AGO2: variants seen among roughly 807,000 people sequenced by gnomAD.
The protein encoded by AGO2 is protein argonaute-2.
Under a neutral mutation model 102.3 loss-of-function variants are expected in AGO2, and 5 were observed. The ratio of observed to expected loss-of-function variants is 0.05; its 90% CI spans 0.03 to 0.10. The LOEUF (loss-of-function observed/expected upper bound fraction) is 0.10. AGO2 is among the 10% of genes least tolerant of loss of function. The pLI is 1.00. For missense variants in AGO2, 541 were observed against 1,183.7 expected (o/e 0.46, Z 7.97); for synonymous variants, 449 against 473.1 (o/e 0.95, Z 0.66).
intron 10 of AGO2, among the ~76,000 whole-genome samples, chr8:140,552,734 G>A (rs942183833): frequency 2.2e-4 from 29 of 133,798 alleles, no homozygotes; most frequent in East Asian, 4.3e-4. Flanking sequence ...ATGCACGCGC[G>A]CGCGCGCACA....
At chr8:140,594,524 A>C (rs1405512596) in intron 1 of AGO2, among the ~76,000 whole-genome samples, 1 of 152,152 alleles carries the variant, frequency 6.6e-6, no homozygotes, top group African/African-American at 2.4e-5. Flanking sequence ...GTGGTGTCTA[A>C]CACCTGTAAT....
intron 1 of AGO2, 144 bp from the exon 2 acceptor site, chr8:140,585,455 G>A (rs1208218199): frequency 1.5e-5 from 13 of 845,234 alleles, no homozygotes; most frequent in Admixed American, 9.1e-5. Flanking sequence ...CAGAGGAGGC[G>A]TCTCAACGTC....
intron 1 of AGO2, among the ~76,000 whole-genome samples, chr8:140,621,714 T>G (rs1484496964): frequency 6.6e-6 from 1 of 152,162 alleles, no homozygotes; most frequent in Non-Finnish European, 1.5e-5. Context: ...AATCTAACAT[T>G]TTTTTCCATC....
intron 12 of AGO2, 31 bp from the exon 13 acceptor site, chr8:140,547,658 G>A: frequency 1.3e-6 from 2 of 1,587,842 alleles, no homozygotes; most frequent in African/African-American, 2.7e-5. Context: ...ACACAGCTCT[G>A]CCGGCGCCCC....
intron 1 of AGO2, among the ~76,000 whole-genome samples, chr8:140,631,731 G>A (rs1203876072): frequency 6.6e-6 from 1 of 152,150 alleles, no homozygotes; most frequent in Non-Finnish European, 1.5e-5. Context: ...ATCACAGACT[G>A]TTAACTGTCA....
At chr8:140,593,667 C>T (rs1327265351) in intron 1 of AGO2, among the ~76,000 whole-genome samples, 2 of 151,842 alleles carry the variant, frequency 1.3e-5, no homozygotes, top group Non-Finnish European at 2.9e-5. Flanking sequence ...AACATAAGTT[C>T]CCATAATTGA....
At chr8:140,551,140 C>G (rs878869375) in intron 11 of AGO2, among the ~76,000 whole-genome samples, 163 bp downstream of exon 11, 2 of 152,162 alleles carry the variant, frequency 1.3e-5, no homozygotes, top group East Asian at 1.9e-4. Flanking sequence ...TGCCCTGGCC[C>G]GGCCAATGGT....
intron 1 of AGO2, among the ~76,000 whole-genome samples, chr8:140,587,615 T>C (rs2073678426): frequency 6.6e-6 from 1 of 152,090 alleles, no homozygotes; most frequent in Admixed American, 6.5e-5. Context: ...ACGAGGAAGA[T>C]GGGGATGACA....
chr8:140,611,477 A>G (rs1268474658), intron 1 of AGO2, among the ~76,000 whole-genome samples: 1 of 151,738 alleles, frequency 6.6e-6, no homozygotes, highest in Non-Finnish European at 1.5e-5. Flanking sequence ...ACAGGCGCCC[A>G]CCACCACACC....
Position 140,557,654 on chromosome 8 carries a change from TCCGGCCG to T in AGO2, c.879-425_879-419del. ...GACGAGGAAAGCAGGCCAGGCCGGT[TCCGGCCG>T]CACGGTGACGGCAGGAGACGCCTGG... On this transcript the variant is annotated intron_variant, in intron 7 of 18. Coordinates refer to ENST00000220592, the MANE Select transcript of AGO2 (RefSeq NM_012154.5). This position sits in a 1 kb window ranked among gnomAD's most constrained non-coding sequence, Gnocchi z 5.9. Among the ~76,000 whole-genome samples, 1 of 152,322 alleles carries T rather than the reference TCCGGCCG, an allele frequency of 6.6e-6. No homozygotes were observed. Among genetic ancestry groups the T allele is most frequent in the South Asian group, 2.1e-4 (1 of 4,820 alleles).
chr8:140,602,993 G>A (rs1202434296), intron 1 of AGO2, among the ~76,000 whole-genome samples: 3 of 152,210 alleles, frequency 2.0e-5, no homozygotes, highest in African/African-American at 2.4e-5. Flanking sequence ...ATCACAGGCC[G>A]TGCCACGTGC....
intron 1 of AGO2, among the ~76,000 whole-genome samples, chr8:140,586,415 C>T (rs575543436): frequency 3.9e-5 from 6 of 152,290 alleles, no homozygotes; most frequent in African/African-American, 1.2e-4. Context: ...ACCGCTTGAA[C>T]GCGGAGGTTG....
intron 1 of AGO2, among the ~76,000 whole-genome samples, chr8:140,603,664 G>A (rs2073959488): frequency 6.6e-6 from 1 of 152,230 alleles, no homozygotes; most frequent in African/African-American, 2.4e-5. Context: ...GTGGCATGCT[G>A]TCCTTGAGGC....
chr8:140,639,227 A>G (rs1331932382), upstream of AGO2, among the ~76,000 whole-genome samples: 1 of 152,160 alleles, frequency 6.6e-6, no homozygotes, highest in Non-Finnish European at 1.5e-5. Context: ...CACGCCTGTA[A>G]TCCTAGCACT....
intron 1 of AGO2, among the ~76,000 whole-genome samples, chr8:140,604,840 G>T (rs6997601): frequency 0.29 from 44,154 of 150,834 alleles, 6,671 homozygotes; most frequent in Admixed American, 0.39. Flanking sequence ...AAAAAAAAAG[G>T]CATTTTCAAG....
intron 1 of AGO2, among the ~76,000 whole-genome samples, chr8:140,610,730 A>AC (rs1365446712): frequency 6.6e-6 from 1 of 152,146 alleles, no homozygotes; most frequent in Admixed American, 6.5e-5. Context: ...CTGTCTCTGC[A>AC]CCAGAGGGGT....
At chr8:140,573,009 A>AT (rs11293451) in intron 2 of AGO2, 77 bp from the exon 3 acceptor site, 16,139 of 1,248,848 alleles carry the variant, frequency 0.013, no homozygotes, top group East Asian at 0.037. Context: ...TTCTGACGCT[A>AT]TTTTTTTTTT....
intron 2 of AGO2, among the ~76,000 whole-genome samples, chr8:140,583,369 TAGATATATGTAC>T (rs1360604487): frequency 2.0e-5 from 3 of 152,134 alleles, no homozygotes. Context: ...CTCATATCTA[TAGATATATGTAC>T]AGTCATGCGT....
rs1471509877 is a variant in AGO2, at chr8:140,540,974, T to C, written c.2034+190A>G. Among the ~76,000 whole-genome samples the C allele has an allele frequency of 6.7e-6, 1 of 149,824 alleles. No individual in the cohort carries two copies. The highest frequency in any genetic ancestry group is 1.5e-5 in the Non-Finnish European group (1 of 67,402). On this transcript the variant is annotated intron_variant, in intron 15 of 18. Coordinates refer to ENST00000220592, the MANE Select transcript of AGO2 (RefSeq NM_012154.5). This position sits in a 1 kb window ranked among gnomAD's most constrained non-coding sequence, Gnocchi z 5.0. Reference sequence around the variant, plus strand: ...CTCCCTCTGTCCTGCCTCAGTGTCATGTGTTAGGGTCTCGACAGCCCCGTG... The same window carrying C: ...CTCCCTCTGTCCTGCCTCAGTGTCACGTGTTAGGGTCTCGACAGCCCCGTG...
Sources: allele counts gnomAD v4.1 joint callset (sites outside exome capture counted in the v4.1 genomes callset), GRCh38; gene constraint gnomAD v4.1.1; non-coding constraint Gnocchi (gnomAD v3.1); transcripts MANE v1.5; gene names NCBI Gene and HGNC (gene_info 2026-07-23, HGNC 2026-07-21).